The following PADI4 variants were observed in gnomAD, a reference collection of about 807,000 sequenced individuals.
The protein encoded by PADI4 is protein-arginine deiminase type-4.
In PADI4, 62 loss-of-function variants were observed where a neutral mutation model predicts 75.0. The ratio of observed to expected loss-of-function variants is 0.83; its 90% CI spans 0.67 to 1.02. The LOEUF (loss-of-function observed/expected upper bound fraction) is 1.02. Ranked by LOEUF, PADI4 falls within the 50% of genes least tolerant of loss-of-function variation. The pLI is 0.00. For missense variants in PADI4, 845 were observed against 850.5 expected, an observed-to-expected ratio of 0.99 and a Z score of 0.08; for synonymous variants, 361 against 348.1, an observed-to-expected ratio of 1.04 and a Z score of -0.41.
chr1:17,316,737 AAAT>A (rs1416693113), intron 1 of PADI4, among the ~76,000 whole-genome samples: 2 of 147,860 alleles, frequency 1.4e-5, no homozygotes, highest in African/African-American at 5.3e-5. Flanking sequence ...TAATTAAAAT[AAAT>A]AAATAAATAA....
At position 17,363,756 on chromosome 1, in the gene PADI4, G is replaced by A. The variant is rs768488080; in HGVS notation, c.*1G>A. 5.6e-6 allele frequency: 9 copies of A among 1,604,972 alleles called. 1 individual carries two copies. Among genetic ancestry groups the A allele is most frequent in the Admixed American group, 5.0e-5 (3 of 59,962 alleles). ...CAAGTGGTGGAACATGGTGCCCTGAGCCCATCTTCCCTGGCGTCCTCTCCC... is the reference window on the plus strand; with the variant it reads ...CAAGTGGTGGAACATGGTGCCCTGAACCCATCTTCCCTGGCGTCCTCTCCC... On this transcript the variant is annotated 3_prime_UTR_variant, in exon 16 of 16. Transcript: ENST00000375448.
At chr1:17,335,269 T>G (rs1246617888) in intron 3 of PADI4, among the ~76,000 whole-genome samples, 1 of 152,220 alleles carries the variant, frequency 6.6e-6, no homozygotes, top group African/African-American at 2.4e-5. Context: ...ACTTACTCAA[T>G]TGCCAGGCAC....
chr1:17,334,056 C>A (rs1344355973), intron 3 of PADI4, 47 bp downstream of exon 3: 3 of 1,133,392 alleles, frequency 2.6e-6, no homozygotes, highest in African/African-American at 1.5e-5. Flanking sequence ...CCCCTGCCCA[C>A]CTCCTAATCC....
intron 6 of PADI4, among the ~76,000 whole-genome samples, chr1:17,340,985 G>A (rs181370451): frequency 1.0e-3 from 153 of 151,306 alleles, no homozygotes; most frequent in African/African-American, 3.5e-3. Flanking sequence ...ATTTTTAGTA[G>A]AGATGGGATT....
intron 2 of PADI4, among the ~76,000 whole-genome samples, chr1:17,332,132 T>C (rs759407510): frequency 6.6e-6 from 1 of 152,114 alleles, no homozygotes; most frequent in Non-Finnish European, 1.5e-5. Flanking sequence ...GCTTCCATGG[T>C]CGCACTGCCT....
In PADI4 at chr1:17,356,195, G is replaced by A. The variant is rs1368760580; in HGVS notation, c.1455+68G>A. The A allele has an allele frequency of 1.9e-6, 3 of 1,541,496 alleles. No homozygotes were observed. Among genetic ancestry groups the A allele is most frequent in the East Asian group, 4.5e-5 (2 of 44,166 alleles). ...TGGGTAGACCCTCTGCCTGGGGTGG[G>A]AGCAACTTTACTTGTCTATTTCTCC... On this transcript the variant is annotated intron_variant, in intron 12 of 15. Transcript: ENST00000375448. This position sits in a 1 kb window ranked among gnomAD's most constrained non-coding sequence, Gnocchi z 4.1.
chr1:17,345,466 GGAT>G (rs1348589765), intron 8 of PADI4, among the ~76,000 whole-genome samples: 1 of 152,166 alleles, frequency 6.6e-6, no homozygotes, highest in East Asian at 1.9e-4. Context: ...GCCAGGGGCA[GGAT>G]GATATGCTTT....
At chr1:17,334,394 C>T in intron 3 of PADI4, 1 of 461,066 alleles carries the variant, frequency 2.2e-6, no homozygotes, top group South Asian at 1.6e-5. Flanking sequence ...CCTGCGTCTC[C>T]CAGGTTCAAG....
intron 5 of PADI4, among the ~76,000 whole-genome samples, chr1:17,338,827 G>A (rs1380703021): frequency 6.6e-6 from 1 of 152,178 alleles, no homozygotes; most frequent in Admixed American, 6.5e-5. Context: ...AAGGTGCTAA[G>A]GGGCTCTGGC....
At chr1:17,337,957 T>C (rs2074345859) in intron 4 of PADI4, 81 bp from the exon 5 acceptor site, 4 of 629,836 alleles carry the variant, frequency 6.4e-6, no homozygotes, top group South Asian at 2.2e-5. Context: ...AAAGAGGTGA[T>C]GGGGAGTTGC....
At chr1:17,316,438 C>T (rs2073934854) in intron 1 of PADI4, among the ~76,000 whole-genome samples, 1 of 149,956 alleles carries the variant, frequency 6.7e-6, no homozygotes, top group South Asian at 2.1e-4. Flanking sequence ...GCCTGTAATC[C>T]CAGCACTTTG....
chr1:17,354,398 G>A, intron 10 of PADI4, 135 bp from the exon 11 acceptor site: 1 of 748,020 alleles, frequency 1.3e-6, no homozygotes, highest in Non-Finnish European at 2.4e-6. Flanking sequence ...TGTGATAACA[G>A]CACCTGCTAT....
intron 1 of PADI4, among the ~76,000 whole-genome samples, chr1:17,313,527 G>GGAAGGAAA (rs1194063781): frequency 7.1e-5 from 10 of 140,530 alleles, no homozygotes; most frequent in African/African-American, 1.1e-4. Context: ...AAAAAGGAAA[G>GGAAGGAAA]GAAGGAAAGA....
intron 10 of PADI4, among the ~76,000 whole-genome samples, chr1:17,352,003 T>G (rs1434747193): frequency 4.9e-4 from 9 of 18,374 alleles, no homozygotes; most frequent in Admixed American, 1.1e-3. Context: ...GTCAGGGAGG[T>G]GATGGGAGGA....
chr1:17,342,906 C>T (rs541391176), intron 8 of PADI4, among the ~76,000 whole-genome samples: 41 of 152,310 alleles, frequency 2.7e-4, no homozygotes, highest in Middle Eastern at 3.4e-3. Context: ...ACCCTGGAGG[C>T]GGAGGTTGCA....
At chr1:17,347,531 T>C (rs1172120654) in intron 9 of PADI4, among the ~76,000 whole-genome samples, 6 of 152,132 alleles carry the variant, frequency 3.9e-5, no homozygotes, top group African/African-American at 1.4e-4. Context: ...AGGTCTTCTC[T>C]GGCCCATCCT....
chr1:17,322,420 C>A (rs976091571), intron 1 of PADI4, among the ~76,000 whole-genome samples: 1 of 151,874 alleles, frequency 6.6e-6, no homozygotes, highest in Non-Finnish European at 1.5e-5. Context: ...ACCTGGGAGG[C>A]GGAGGCTGCG....
intron 1 of PADI4, among the ~76,000 whole-genome samples, chr1:17,317,656 G>A (rs887522425): frequency 1.3e-5 from 2 of 152,128 alleles, no homozygotes; most frequent in Non-Finnish European, 1.5e-5. Flanking sequence ...CAGCAAACTC[G>A]TATTAGCATC....
chr1:17,316,131 C>T lies in PADI4; in HGVS notation c.92+7817C>T, dbSNP rs555221795. On this transcript the variant is annotated intron_variant, in intron 1 of 15. Coordinates refer to ENST00000375448, the MANE Select transcript of PADI4 (RefSeq NM_012387.3). ...ACTCCTGGCTGGATGCAGTGGCTCACGCCTATAATCCCAACACTTTGGGAG... is the reference window on the plus strand; with the variant it reads ...ACTCCTGGCTGGATGCAGTGGCTCATGCCTATAATCCCAACACTTTGGGAG... Among the ~76,000 whole-genome samples, 6 of 152,146 alleles carry T rather than the reference C, an allele frequency of 3.9e-5. No individual in the cohort carries two copies. In the East Asian group the frequency reaches 7.7e-4, roughly 20 times the overall value.
Sources: gnomAD v4.1 joint callset for allele counts (sites outside exome capture counted in the v4.1 genomes callset) on GRCh38, gnomAD v4.1.1 for gene constraint, Gnocchi (gnomAD v3.1) non-coding constraint, MANE v1.5 for transcripts, NCBI Gene and HGNC (gene_info 2026-07-23, HGNC 2026-07-21) for gene names.